Variants in TTC6 observed in about 807,000 individuals in gnomAD.
TTC6 encodes tetratricopeptide repeat domain 6.
A neutral mutation model predicts 210.4 loss-of-function variants in TTC6; 172 were observed. The observed-to-expected ratio is 0.82, with a 90% CI of 0.72 to 0.93. The LOEUF (loss-of-function observed/expected upper bound fraction) is 0.93, where lower values mean the gene tolerates loss of function less well. TTC6 is among the 40% of genes least tolerant of loss of function. The probability of loss-of-function intolerance (pLI) is 0.00; values close to 1 mark genes in which losing one functional copy is unlikely to be tolerated. For missense variants in TTC6, 2,414 were observed against 2,318.1 expected (o/e 1.04, Z -0.85); for synonymous variants, 804 against 819.6 (o/e 0.98, Z 0.32).
intron 1 of TTC6, among the ~76,000 whole-genome samples, chr14:37,652,514 T>C (rs2095714894): frequency 6.6e-6 from 1 of 152,172 alleles, no homozygotes; most frequent in East Asian, 1.9e-4. Flanking sequence ...ATTTTTGTTA[T>C]ATTTTAACTT....
chr14:37,807,760 C>T lies in TTC6; in HGVS notation c.4455+300C>T, dbSNP rs186253917. 1.7e-3 allele frequency among the ~76,000 whole-genome samples: 258 copies of T among 152,092 alleles called. 1 individual carries two copies. Among genetic ancestry groups the T allele is most frequent in the Non-Finnish European group, 3.1e-4 (21 of 67,982 alleles). On this transcript the variant is annotated intron_variant, in intron 23 of 30. Transcript: ENST00000553443. ...AAGGGAATAAAGGATTATTATCTCA[C>T]CATCAATGATAATTCCTGGGTGCAT...
chr14:37,713,978 TTAGA>T (rs1426756069), intron 5 of TTC6, among the ~76,000 whole-genome samples: 1 of 152,196 alleles, frequency 6.6e-6, no homozygotes, highest in Non-Finnish European at 1.5e-5. Flanking sequence ...GTATATATTC[TTAGA>T]TATTTTGTCT....
At chr14:37,766,089 A>G (rs530396573) in intron 14 of TTC6, among the ~76,000 whole-genome samples, 16 of 152,170 alleles carry the variant, frequency 1.1e-4, no homozygotes, top group Non-Finnish European at 2.2e-4. Flanking sequence ...TTGGATTAAT[A>G]CATTCATTTC....
chr14:37,833,968 G>T (rs1183691289), intron 29 of TTC6, among the ~76,000 whole-genome samples: 1 of 152,038 alleles, frequency 6.6e-6, no homozygotes, highest in Non-Finnish European at 1.5e-5. Flanking sequence ...TAGTATTCTT[G>T]CCTAACAGTT....
chr14:37,792,173 G>A (rs1425499770), intron 16 of TTC6, 91 bp from the exon 19 acceptor site: 2 of 965,474 alleles, frequency 2.1e-6, no homozygotes, highest in Non-Finnish European at 2.9e-6. Context: ...GAATACTGAT[G>A]CATCTGTTTC....
At chr14:37,732,664 G>A (rs2095890443) in intron 7 of TTC6, among the ~76,000 whole-genome samples, 1 of 151,458 alleles carries the variant, frequency 6.6e-6, no homozygotes, top group African/African-American at 2.4e-5. Flanking sequence ...TGTCGCCCAG[G>A]CTAGAGTGCA....
intron 1 of TTC6, among the ~76,000 whole-genome samples, chr14:37,627,460 C>T (rs918993068): frequency 6.6e-6 from 1 of 151,976 alleles, no homozygotes; most frequent in African/African-American, 2.4e-5. Flanking sequence ...CCTAGCCCCC[C>T]ACCCCCTGAC....
intron 13 of TTC6, 43 bp from the exon 16 acceptor site, chr14:37,753,056 T>C: frequency 1.4e-6 from 2 of 1,451,248 alleles, no homozygotes. Flanking sequence ...ACTTCATTTT[T>C]TTTCATTTTG....
intron 13 of TTC6, among the ~76,000 whole-genome samples, chr14:37,752,699 T>C (rs921251952): frequency 2.6e-5 from 4 of 152,168 alleles, no homozygotes; most frequent in Admixed American, 1.3e-4. Context: ...TTTTAATGGC[T>C]AGATTAATAT....
chr14:37,806,380 A>C (rs1566965883), exon 22 of TTC6: 1 of 1,535,434 alleles, frequency 6.5e-7, no homozygotes, highest in Non-Finnish European at 8.7e-7. Flanking sequence ...TCTTTTACAA[A>C]AGCTGTGAAA....
intron 1 of TTC6, among the ~76,000 whole-genome samples, chr14:37,638,817 A>G (rs2095685969): frequency 6.6e-6 from 1 of 152,182 alleles, no homozygotes; most frequent in South Asian, 2.1e-4. Flanking sequence ...GTCATCTCAA[A>G]ATAAAAACTT....
intron 21 of TTC6, among the ~76,000 whole-genome samples, chr14:37,805,537 G>A (rs1241543017): frequency 1.3e-5 from 2 of 151,954 alleles, no homozygotes; most frequent in African/African-American, 2.4e-5. Context: ...AAAAAGAGGT[G>A]CACTTGATTA....
chr14:37,665,858 C>T (rs762351500), intron 1 of TTC6, among the ~76,000 whole-genome samples: 10 of 150,368 alleles, frequency 6.7e-5, no homozygotes, highest in Non-Finnish European at 1.5e-4. Context: ...TCCAAGGCTG[C>T]ACCAGGAACT....
intron 29 of TTC6, among the ~76,000 whole-genome samples, chr14:37,840,869 ATTTTT>A (rs71127249): frequency 7.3e-6 from 1 of 137,626 alleles, no homozygotes. Context: ...CAGTGGGAGG[ATTTTT>A]TTTTTTTTTT....
chr14:37,639,006 G>A (rs374884928), intron 1 of TTC6, among the ~76,000 whole-genome samples: 3 of 152,196 alleles, frequency 2.0e-5, no homozygotes, highest in Admixed American at 6.5e-5. Context: ...ACATACATAC[G>A]TACAAATACG....
intron 24 of TTC6, among the ~76,000 whole-genome samples, chr14:37,812,067 G>A (rs2096130770): frequency 6.6e-6 from 1 of 152,172 alleles, no homozygotes; most frequent in Non-Finnish European, 1.5e-5. Context: ...AATGTATAGG[G>A]TGACTTGTAG....
chr14:37,601,053 C>T (rs2095614725), intron 1 of TTC6, among the ~76,000 whole-genome samples: 1 of 152,178 alleles, frequency 6.6e-6, no homozygotes, highest in Non-Finnish European at 1.5e-5. Flanking sequence ...TGACCACTTT[C>T]TGAATGTTGT....
At chr14:37,637,802 C>T (rs2095683864) in intron 1 of TTC6, among the ~76,000 whole-genome samples, 1 of 152,054 alleles carries the variant, frequency 6.6e-6, no homozygotes, top group African/African-American at 2.4e-5. Context: ...ACCAGAATGT[C>T]TAAAATAATA....
chr14:37,608,904 A>T (rs567407236), intron 2 of TTC6, among the ~76,000 whole-genome samples: 1 of 152,238 alleles, frequency 6.6e-6, no homozygotes, highest in East Asian at 1.9e-4. Flanking sequence ...TGGTGGTTGG[A>T]AAGTGGCAAA....
Sources: allele counts gnomAD v4.1 joint callset (sites outside exome capture counted in the v4.1 genomes callset), GRCh38; gene constraint gnomAD v4.1.1; transcripts MANE v1.5; gene names NCBI Gene and HGNC (gene_info 2026-07-23, HGNC 2026-07-21).